AARS1: variants seen among roughly 807,000 people sequenced by gnomAD.
AARS1 encodes alanyl-tRNA synthetase 1.
In AARS1, 72 loss-of-function variants were observed where a neutral mutation model predicts 108.9. The observed-to-expected ratio is 0.66, with a 90% CI of 0.55 to 0.80. The LOEUF is 0.80. AARS1 is among the 30% of genes least tolerant of loss of function. The pLI is 0.00. For synonymous variants in AARS1, 489 were observed against 465.7 expected, an observed-to-expected ratio of 1.05 and a Z score of -0.64; for missense variants, 1,193 against 1,233.2, an observed-to-expected ratio of 0.97 and a Z score of 0.49.
chr16:70,279,227 T>C (rs1960629294), intron 2 of AARS1, among the ~76,000 whole-genome samples: 2 of 150,754 alleles, frequency 1.3e-5, no homozygotes, highest in Admixed American at 1.3e-4. Context: ...GGGGGGTGCC[T>C]GTAGTCCCAG....
intron 1 of AARS1, 105 bp downstream of exon 1, chr16:70,289,316 A>C: frequency 2.9e-6 from 1 of 348,416 alleles, no homozygotes; most frequent in Non-Finnish European, 5.7e-6. Flanking sequence ...TCTCCAGGCC[A>C]CGCGGGGCCT....
chr16:70,282,495 A>G, intron 2 of AARS1, 125 bp downstream of exon 2: 1 of 1,212,120 alleles, frequency 8.3e-7, no homozygotes, highest in South Asian at 1.3e-5. Context: ...CATCACATAA[A>G]GTTTCACAAG....
rs1319547380 is a variant in AARS1, at chr16:70,267,804, A to G, written c.1077T>C (p.Asp359=). The G allele has an allele frequency of 1.9e-6, 3 of 1,614,038 alleles. No individual in the cohort carries two copies. Among genetic ancestry groups the G allele is most frequent in the African/African-American group, 1.3e-5 (1 of 74,916 alleles). Residue 359 remains aspartate (D), a synonymous_variant, in exon 9 of 21, where the codon GAT becomes GAC. Transcript: ENST00000261772. ...LVDVVVQSLG[D]AFPELKKDPD... ...GGTCCTTCTTCAGCTCAGGAAATGC[A>G]TCTCCCTGACAAAGGGGAAGCAAGA...
At position 70,261,069 on chromosome 16, in the gene AARS1, TC is replaced by T. The variant is rs1283526051; in HGVS notation, c.1759del (p.Asp587IlefsTer16). ...GTIYGDLKVG[D>X]QVWLFIDEPR... ...CTCATCAATAAACAGCCAGACCTGATCCCCCACTTTCAGGTCACCGTAGATG... is the reference window on the plus strand; with the variant it reads ...CTCATCAATAAACAGCCAGACCTGATCCCCACTTTCAGGTCACCGTAGATG... On this transcript the variant is annotated frameshift_variant, in exon 13 of 21. Coordinates refer to ENST00000261772, the MANE Select transcript of AARS1 (RefSeq NM_001605.3). LOFTEE classifies it high-confidence loss of function. 2 of 1,613,458 alleles carry T rather than the reference TC, an allele frequency of 1.2e-6. No homozygotes were observed. Among genetic ancestry groups the T allele is most frequent in the East Asian group, 2.2e-5 (1 of 44,862 alleles).
chr16:70,255,861 T>A, intron 15 of AARS1, 25 bp from the exon 16 acceptor site: 1 of 1,603,120 alleles, frequency 6.2e-7, no homozygotes, highest in Non-Finnish European at 8.5e-7. Context: ...ACAAAGTCCA[T>A]AGTGAAAGAG....
At position 70,252,894 on chromosome 16, in the gene AARS1, G is replaced by T. The variant is rs1179687586; in HGVS notation, c.2734C>A (p.Arg912=). The change falls in exon 21 of 21, where the codon CGG becomes AGG. Residue 912 remains arginine (R), a synonymous_variant. Transcript: ENST00000261772. ...ACCCACTCGCTGGCTTTTAAGCCCC[G>T]ATTGGCTGCATTCTAGAAGACAGGA... ...LCQVPQNAAN[R]GLKASEWVQQ... The T allele has an allele frequency of 1.2e-6, 2 of 1,614,182 alleles. No individual in the cohort carries two copies. Among genetic ancestry groups the T allele is most frequent in the South Asian group, 1.1e-5 (1 of 91,088 alleles).
rs146942068 is a variant in AARS1, at chr16:70,276,783, T to C, written c.334-152A>G. On this transcript the variant is annotated intron_variant, in intron 3 of 20. Coordinates refer to ENST00000261772, the MANE Select transcript of AARS1 (RefSeq NM_001605.3). Reference sequence around the variant, plus strand: ...AGTTTATGTAAGAAATCCAAATATATACTGAAATCACCAAATTATAGGTAC... The same window carrying C: ...AGTTTATGTAAGAAATCCAAATATACACTGAAATCACCAAATTATAGGTAC... 268 of 1,168,060 alleles carry C rather than the reference T, an allele frequency of 2.3e-4. No homozygotes were observed. In the East Asian group the frequency reaches 6.0e-3, roughly 26 times the overall value. 72.4% of individuals were successfully genotyped at this position (1,168,060 alleles called of 1,614,324 possible). A position where few individuals can be genotyped will look rare whatever the true frequency, so the allele number is the denominator to read the frequency against.
chr16:70,274,818 G>A (rs923683361), intron 4 of AARS1, among the ~76,000 whole-genome samples: 1 of 152,016 alleles, frequency 6.6e-6, no homozygotes, highest in African/African-American at 2.4e-5. Context: ...AGGAAGACTA[G>A]ATATGGGATA....
chr16:70,280,186 G>A (rs867588837), intron 2 of AARS1, among the ~76,000 whole-genome samples: 1 of 152,116 alleles, frequency 6.6e-6, no homozygotes, highest in Non-Finnish European at 1.5e-5. Context: ...CAAAATGCTG[G>A]AATTACAGGC....
chr16:70,276,849 C>A, intron 3 of AARS1, 117 bp downstream of exon 3: 1 of 1,295,268 alleles, frequency 7.7e-7, no homozygotes, highest in Non-Finnish European at 1.1e-6. Context: ...GCCATTCATT[C>A]CTGAATCACC....
At chr16:70,269,526 T>G in intron 7 of AARS1, 92 bp downstream of exon 7, 1 of 1,565,090 alleles carries the variant, frequency 6.4e-7, no homozygotes, top group Non-Finnish European at 8.7e-7. Context: ...AGAGCAACAC[T>G]CAATCTCACA....
At chr16:70,261,210 T>C in intron 12 of AARS1, 53 bp from the exon 13 acceptor site, 1 of 1,349,816 alleles carries the variant, frequency 7.4e-7, no homozygotes, top group Non-Finnish European at 1.1e-6. Flanking sequence ...AACATACAAA[T>C]TTTCTTATAT....
chr16:70,277,163 G>C lies in AARS1; in HGVS notation c.145-9C>G. On this transcript the variant is annotated splice_polypyrimidine_tract_variant and intron_variant, in intron 2 of 20. Transcript: ENST00000261772. ...AGGAAAATGGGTTTAAACTAAAAGA[G>C]AAGGACAGCAGTTCAACTTTTAAAG... The C allele has an allele frequency of 6.2e-7, 1 of 1,614,008 alleles. No individual in the cohort carries two copies. Among genetic ancestry groups the C allele is most frequent in the Non-Finnish European group, 8.5e-7 (1 of 1,179,922 alleles).
At position 70,269,606 on chromosome 16, in the gene AARS1, C is replaced by T. The variant is rs376863001; in HGVS notation, c.962+12G>A. The stretch of plus-strand genomic sequence containing the variant: ...GCCGCTCCAAACACCACCCAGTGTG[C>T]AGCATACTTACCCACGCCCTGTGTT... On this transcript the variant is annotated intron_variant, in intron 7 of 20. Coordinates refer to ENST00000261772, the MANE Select transcript of AARS1 (RefSeq NM_001605.3). 1 of 1,613,590 alleles carries T rather than the reference C, an allele frequency of 6.2e-7. No individual in the cohort carries two copies. The highest frequency in any genetic ancestry group is 8.5e-7 in the Non-Finnish European group (1 of 1,180,024).
intron 1 of AARS1, among the ~76,000 whole-genome samples, chr16:70,287,067 C>T (rs1404393082): frequency 7.3e-5 from 11 of 151,046 alleles, no homozygotes; most frequent in African/African-American, 1.7e-4. Context: ...CTGGCTAACA[C>T]GGTGAAACCC....
rs992919450 is a variant in AARS1, at chr16:70,261,130, G to C, written c.1699C>G (p.Gln567Glu). Residue 567 changes from glutamine (Q) to glutamate (E), a missense_variant, in exon 13 of 21, where the codon CAG becomes GAG. Gln to Glu is a conservative substitution (Grantham distance 29, BLOSUM62 2). Transcript: ENST00000261772. ...TGTAGCACATACCCTCCTCGGACCT[G>C]AGCATTCTTCACTGTAAACTCTGTT... is the stretch of plus-strand genomic sequence containing the variant. ...DKTEFTVKNAQVRGGYVLHIG... is the reference protein window; with the variant it reads ...DKTEFTVKNAEVRGGYVLHIG... The C allele has an allele frequency of 1.2e-6, 2 of 1,613,722 alleles. No homozygotes were observed. Among genetic ancestry groups the C allele is most frequent in the Non-Finnish European group, 1.7e-6 (2 of 1,179,770 alleles).
chr16:70,263,276 G>A (rs1960187654), intron 11 of AARS1, among the ~76,000 whole-genome samples: 1 of 151,942 alleles, frequency 6.6e-6, no homozygotes, highest in South Asian at 2.1e-4. Context: ...AGATTTAGGT[G>A]TAAGATTGTT....
rs921844918 is a variant in AARS1, at chr16:70,255,611, C to A, written c.2286+117G>T. On this transcript the variant is annotated intron_variant, in intron 16 of 20. Transcript: ENST00000261772. The stretch of plus-strand genomic sequence containing the variant: ...CACTGGGGCAGGGGGAGTGGCCCAG[C>A]CTGTACTTTCACTCTGACTGCAGCA... The A allele has an allele frequency of 5.6e-5, 52 of 921,508 alleles. 1 individual carries two copies. Among genetic ancestry groups the A allele is most frequent in the East Asian group, 1.6e-4 (6 of 38,286 alleles). The allele number at this position is 921,508 out of a possible 1,614,324, so 57.1% of individuals were successfully genotyped here.
chr16:70,284,000 C>A (rs897715250), intron 1 of AARS1, among the ~76,000 whole-genome samples: 9 of 149,614 alleles, frequency 6.0e-5, no homozygotes, highest in African/African-American at 2.2e-4. Context: ...TTGCTTGAGC[C>A]CTGGAGTTTG....
Sources: gnomAD v4.1 joint callset for allele counts (sites outside exome capture counted in the v4.1 genomes callset) on GRCh38, gnomAD v4.1.1 for gene constraint, MANE v1.5 for transcripts, NCBI Gene and HGNC (gene_info 2026-07-23, HGNC 2026-07-21) for gene names.